NOS2: variants seen among roughly 807,000 people sequenced by gnomAD.
NOS2 encodes the protein nitric oxide synthase 2.
NOS2 carries 96 observed loss-of-function variants against 136.0 expected under a neutral mutation model. The ratio of observed to expected loss-of-function variants is 0.71; its 90% confidence interval spans 0.60 to 0.84. The LOEUF is 0.84. Ranked by LOEUF, NOS2 falls within the 40% of genes least tolerant of loss-of-function variation. NOS2 has a pLI of 0.00. For synonymous variants in NOS2, 539 were observed against 587.5 expected (o/e 0.92, Z 1.20); for missense variants, 1,237 against 1,496.9 (o/e 0.83, Z 2.87).
intron 22 of NOS2, among the ~76,000 whole-genome samples, 161 bp downstream of exon 22, chr17:27,762,637 C>G (rs1908167629): frequency 6.6e-6 from 1 of 152,214 alleles, no homozygotes; most frequent in African/African-American, 2.4e-5. Context: ...TGCCTGGTTC[C>G]TAGAGATCTC....
At chr17:27,786,504 C>G (rs1353899715) in intron 5 of NOS2, among the ~76,000 whole-genome samples, 1 of 152,162 alleles carries the variant, frequency 6.6e-6, no homozygotes, top group Non-Finnish European at 1.5e-5. Flanking sequence ...CTTACAATCT[C>G]TTCATGCATT....
chr17:27,782,415 G>A lies in NOS2; in HGVS notation c.631-309C>T, dbSNP rs138096804. Among the ~76,000 whole-genome samples, 6 of 152,238 alleles carry A rather than the reference G, an allele frequency of 3.9e-5. No individual in the cohort carries two copies. In the East Asian group the frequency reaches 1.2e-3, roughly 29 times the overall value. Reference sequence around the variant, plus strand: ...ACCTGACTTGAAAGCACCATGAATCGGGATTGCCACAGCCCCAGGCTAGGT... The same window carrying A: ...ACCTGACTTGAAAGCACCATGAATCAGGATTGCCACAGCCCCAGGCTAGGT... On this transcript the variant is annotated intron_variant, in intron 6 of 26. Transcript: ENST00000313735.
intron 2 of NOS2, among the ~76,000 whole-genome samples, chr17:27,790,871 A>G (rs1597559126): frequency 1.3e-5 from 2 of 152,174 alleles, no homozygotes; most frequent in Admixed American, 6.5e-5. Flanking sequence ...AGGAAGAATC[A>G]TCCCACCAGG....
chr17:27,790,648 CCTTCACCAAGGTAAAAACAAGTATT>C (rs1196357109), intron 2 of NOS2, among the ~76,000 whole-genome samples: 2 of 152,146 alleles, frequency 1.3e-5, no homozygotes, highest in Non-Finnish European at 2.9e-5. Flanking sequence ...TGTCAACTTA[CCTTCACCAAGGTAAAAACAAGTATT>C]GTAAAAATTA....
chr17:27,798,846 T>C lies in NOS2; in HGVS notation c.-37A>G. The C allele has an allele frequency of 7.7e-7, 1 of 1,290,924 alleles. No homozygotes were observed. The highest frequency in any genetic ancestry group is 1.1e-6 in the Non-Finnish European group (1 of 885,024). 80.0% of individuals were successfully genotyped at this position (1,290,924 alleles called of 1,614,324 possible). ...TACAAAGCAGGTCACTTATGTCACT[T>C]ATCTGGATTTGAGCTCAGATGTTCT... On this transcript the variant is annotated 5_prime_UTR_variant, in exon 2 of 27. It adds an upstream start codon to the 5' untranslated region. Transcript: ENST00000313735.
intron 11 of NOS2, among the ~76,000 whole-genome samples, chr17:27,776,975 C>T (rs1308047870): frequency 6.6e-6 from 1 of 152,220 alleles, no homozygotes; most frequent in Admixed American, 6.5e-5. Context: ...GGTGAGGAGA[C>T]AGCAGAGGCT....
rs200298844 is a variant in NOS2, at chr17:27,764,161, G to C, written c.2429-17C>G. 6.8e-5 allele frequency: 99 copies of C among 1,460,324 alleles called. No individual in the cohort carries two copies. Among genetic ancestry groups the C allele is most frequent in the Non-Finnish European group, 8.2e-5 (89 of 1,091,918 alleles). 90.5% of individuals were successfully genotyped at this position (1,460,324 alleles called of 1,614,324 possible). A position where few individuals can be genotyped will look rare whatever the true frequency, so the allele number is the denominator to read the frequency against. ...AGTAGCTGCCTGGATGGGGAAGGAA[G>C]GTGTCAGGATGGAAAAGAGGCCCCA... On this transcript the variant is annotated splice_polypyrimidine_tract_variant and intron_variant, in intron 20 of 26. Transcript: ENST00000313735.
chr17:27,765,439 G>C, intron 20 of NOS2, 96 bp downstream of exon 20: 2 of 1,164,242 alleles, frequency 1.7e-6, no homozygotes, highest in East Asian at 2.5e-5. Flanking sequence ...GGAAGGACAG[G>C]GATGGCTGTC....
intron 2 of NOS2, among the ~76,000 whole-genome samples, chr17:27,792,372 C>T (rs984124066): frequency 6.6e-6 from 1 of 152,214 alleles, no homozygotes; most frequent in African/African-American, 2.4e-5. Flanking sequence ...GGCAATTTAA[C>T]TTTTCTTATA....
chr17:27,773,418 C>T (rs1227744595), intron 12 of NOS2, among the ~76,000 whole-genome samples, 175 bp from the exon 13 acceptor site: 1 of 152,236 alleles, frequency 6.6e-6, no homozygotes, highest in Non-Finnish European at 1.5e-5. Flanking sequence ...CTGCCTCTCC[C>T]CCAGAGTTGC....
At chr17:27,795,084 G>A (rs929138352) in intron 2 of NOS2, among the ~76,000 whole-genome samples, 1 of 151,442 alleles carries the variant, frequency 6.6e-6, no homozygotes, top group Non-Finnish European at 1.5e-5. Context: ...ACGACCTCCT[G>A]TCTACACTCC....
At chr17:27,786,281 C>T (rs1909022633) in intron 5 of NOS2, among the ~76,000 whole-genome samples, 1 of 152,002 alleles carries the variant, frequency 6.6e-6, no homozygotes, top group Admixed American at 6.6e-5. Flanking sequence ...AAAAAATTAG[C>T]CAGGTGTAGT....
intron 7 of NOS2, among the ~76,000 whole-genome samples, chr17:27,781,799 G>A (rs1908856272): frequency 6.6e-6 from 1 of 152,182 alleles, no homozygotes; most frequent in Non-Finnish European, 1.5e-5. Context: ...ACATCAGAAG[G>A]AAACCAAGGG....
intron 20 of NOS2, among the ~76,000 whole-genome samples, chr17:27,765,130 A>G (rs1908254833): frequency 6.6e-6 from 1 of 152,166 alleles, no homozygotes; most frequent in South Asian, 2.1e-4. Flanking sequence ...GATAACAGGC[A>G]TGTACCACCA....
intron 2 of NOS2, among the ~76,000 whole-genome samples, chr17:27,792,276 G>T (rs1909216375): frequency 6.6e-6 from 1 of 152,164 alleles, no homozygotes; most frequent in Non-Finnish European, 1.5e-5. Context: ...GGCTGTGTGT[G>T]TGTGTGTGCG....
intron 5 of NOS2, among the ~76,000 whole-genome samples, chr17:27,784,969 G>A (rs1211352862): frequency 6.6e-6 from 1 of 152,182 alleles, no homozygotes; most frequent in Non-Finnish European, 1.5e-5. Flanking sequence ...GCATGGCCCT[G>A]TAGCCCTGCT....
rs1334456717 is a variant in NOS2 at position 27,787,804 on chromosome 17, G to C, written c.341C>G (p.Ser114Cys). The part of the protein sequence containing the change: ...AKGILTCRSK[S>C]CLGSIMTPKS... ...GGGAGTCATAATGGACCCCAGGCAA[G>C]ATTTGGACCTGCAAGTTAAAATCTG... is the stretch of plus-strand genomic sequence containing the variant. The change falls in exon 5 of 27, where the codon TCT (serine) becomes TGT (cysteine). Residue 114 changes from serine to cysteine, a missense_variant. Ser to Cys is a moderately radical substitution (Grantham distance 112). Around this residue, in one of 3 missense-constraint regions of NOS2, gnomAD observed 440 missense variants for 545.4 expected, o/e 0.81. Transcript: ENST00000313735. 1 of 1,612,152 alleles carries C rather than the reference G, an allele frequency of 6.2e-7. No homozygotes were observed. The highest frequency in any genetic ancestry group is 8.5e-7 in the Non-Finnish European group (1 of 1,179,158).
chr17:27,773,268 G>C (rs1908556708), intron 12 of NOS2, 25 bp from the exon 13 acceptor site: 1 of 1,568,040 alleles, frequency 6.4e-7, no homozygotes, highest in African/African-American at 1.4e-5. Flanking sequence ...GGAGATGTGA[G>C]GGCAGGGCGG....
intron 2 of NOS2, among the ~76,000 whole-genome samples, chr17:27,794,427 G>A (rs745571237): frequency 5.9e-5 from 9 of 152,178 alleles, no homozygotes; most frequent in Non-Finnish European, 1.2e-4. Flanking sequence ...TGCTCCGCCT[G>A]TAAGGTGCTC....
Sources: gnomAD v4.1 joint callset for allele counts (sites outside exome capture counted in the v4.1 genomes callset) on GRCh38, gnomAD v4.1.1 for gene constraint, gnomAD v4.1.1 regional missense constraint, MANE v1.5 for transcripts, NCBI Gene and HGNC (gene_info 2026-07-23, HGNC 2026-07-21) for gene names.